The following FRMD4A variants were observed in gnomAD, a reference collection of about 807,000 sequenced individuals.
FRMD4A encodes FERM domain-containing protein 4A.
A neutral mutation model predicts 129.1 loss-of-function variants in FRMD4A; 29 were observed. The ratio of observed to expected loss-of-function variants is 0.22; its 90% CI spans 0.17 to 0.31. The LOEUF is 0.31. Ranked by LOEUF, FRMD4A falls within the 10% of genes least tolerant of loss-of-function variation. The pLI, the probability that FRMD4A is intolerant of heterozygous loss-of-function variation, is 1.00. For missense variants in FRMD4A, 1,272 were observed against 1,375.8 expected (o/e 0.92, Z 1.19); for synonymous variants, 634 against 571.6 (o/e 1.11, Z -1.56).
At chr10:13,933,262 T>C (rs973535865) in intron 2 of FRMD4A, among the ~76,000 whole-genome samples, 1 of 149,818 alleles carries the variant, frequency 6.7e-6, no homozygotes, top group Non-Finnish European at 1.5e-5. Context: ...TTTCATAGGG[T>C]GTACACCGAG....
chr10:14,135,690 T>C (rs1460202767), intron 2 of FRMD4A, among the ~76,000 whole-genome samples: 1 of 152,212 alleles, frequency 6.6e-6, no homozygotes, highest in Admixed American at 6.5e-5. Context: ...TGAAGATATA[T>C]CACAGATGCA....
chr10:13,819,887 A>G (rs1213699484), intron 3 of FRMD4A, among the ~76,000 whole-genome samples: 2 of 152,040 alleles, frequency 1.3e-5, no homozygotes, highest in African/African-American at 4.8e-5. Context: ...ACACCCAGCT[A>G]ATTTTTTTGT....
At chr10:14,316,703 T>C (rs1470756606) in intron 2 of FRMD4A, among the ~76,000 whole-genome samples, 2 of 152,150 alleles carry the variant, frequency 1.3e-5, no homozygotes, top group African/African-American at 4.8e-5. Context: ...TATTGAACAG[T>C]TGCTGCAGGC....
chr10:14,152,403 C>G (rs1050874547), intron 2 of FRMD4A, among the ~76,000 whole-genome samples: 1 of 152,118 alleles, frequency 6.6e-6, no homozygotes, highest in Non-Finnish European at 1.5e-5. Flanking sequence ...GCTGGGATTA[C>G]AGGCGTGAGC....
intron 2 of FRMD4A, among the ~76,000 whole-genome samples, chr10:14,012,702 T>A (rs995647192): frequency 2.6e-5 from 4 of 152,158 alleles, no homozygotes; most frequent in African/African-American, 9.7e-5. Context: ...GATGGAATCC[T>A]GGGTGCTGGC....
At chr10:13,666,376 G>T in intron 17 of FRMD4A, 51 bp from the exon 18 acceptor site, 2 of 1,298,412 alleles carry the variant, frequency 1.5e-6, no homozygotes, top group South Asian at 1.2e-5. Context: ...TGAGCAGGGA[G>T]ACCCTCATCC....
At chr10:13,717,126 T>C (rs2088886353) in intron 12 of FRMD4A, among the ~76,000 whole-genome samples, 1 of 152,038 alleles carries the variant, frequency 6.6e-6, no homozygotes, top group African/African-American at 2.4e-5. Flanking sequence ...CTCTCTGTGC[T>C]CCAGTCTTTC....
intron 2 of FRMD4A, among the ~76,000 whole-genome samples, chr10:14,251,601 G>C (rs59833361): frequency 5.9e-5 from 9 of 152,176 alleles, no homozygotes; most frequent in Non-Finnish European, 8.8e-5. Flanking sequence ...CAATATGTGA[G>C]GCATAAACAG....
Position 14,299,798 on chromosome 10 carries a change from T to C in FRMD4A, c.45+30260A>G, listed in dbSNP as rs186357949. ...ATGAATAATTAAGAGCCTAGAAGGA[T>C]TGATCTGTCAGGGAAGATTAGAAGA... On this transcript the variant is annotated intron_variant, in intron 2 of 24. Transcript: ENST00000357447. Among the ~76,000 whole-genome samples the C allele has an allele frequency of 4.5e-4, 69 of 152,246 alleles. No homozygotes were observed. The East Asian group carries it at 5.6e-3, about 12-fold the overall frequency.
chr10:13,945,637 G>C (rs536190930), intron 2 of FRMD4A, among the ~76,000 whole-genome samples: 1 of 152,202 alleles, frequency 6.6e-6, no homozygotes, highest in Non-Finnish European at 1.5e-5. Context: ...GTTCAAATTC[G>C]AACTGGTTTC....
chr10:13,785,773 C>T (rs1564799816), intron 5 of FRMD4A, among the ~76,000 whole-genome samples: 1 of 148,402 alleles, frequency 6.7e-6, no homozygotes, highest in Non-Finnish European at 1.5e-5. Context: ...CCTCCCCCTA[C>T]CCCCCACCCC....
intron 11 of FRMD4A, among the ~76,000 whole-genome samples, chr10:13,739,841 T>A (rs1233148256): frequency 1.3e-5 from 2 of 152,246 alleles, no homozygotes; most frequent in Non-Finnish European, 2.9e-5. Flanking sequence ...GGCTCACGCC[T>A]ATAATCCCAG....
intron 2 of FRMD4A, among the ~76,000 whole-genome samples, chr10:14,304,345 A>C (rs969499748): frequency 2.6e-5 from 4 of 152,242 alleles, no homozygotes; most frequent in African/African-American, 9.6e-5. Context: ...ATGGGTGTGA[A>C]GTGACATCTC....
At position 14,206,619 on chromosome 10, in the gene FRMD4A, G is replaced by A. The variant is rs184158199; in HGVS notation, c.45+123439C>T. Among the ~76,000 whole-genome samples the A allele has an allele frequency of 1.5e-3, 233 of 151,744 alleles. 1 individual carries two copies. The highest frequency in any genetic ancestry group is 5.3e-3 in the African/African-American group (218 of 41,402). The stretch of plus-strand genomic sequence containing the variant: ...TCATGACCAGCCTGGGCAACACGGC[G>A]AAACCCCATTTTTACTAAAAAATAA... On this transcript the variant is annotated intron_variant, in intron 2 of 24. Coordinates refer to ENST00000357447, the MANE Select transcript of FRMD4A (RefSeq NM_018027.5).
chr10:14,279,018 T>A (rs1845430662), intron 2 of FRMD4A, among the ~76,000 whole-genome samples: 1 of 152,110 alleles, frequency 6.6e-6, no homozygotes. Context: ...TTTTCTCTAA[T>A]GCATCTAACA....
chr10:14,220,289 C>A (rs1241740405), intron 2 of FRMD4A, among the ~76,000 whole-genome samples: 1 of 152,222 alleles, frequency 6.6e-6, no homozygotes, highest in African/African-American at 2.4e-5. Context: ...TTTATATGGC[C>A]CCACTTCGGG....
chr10:13,970,221 G>A (rs1565136887), intron 2 of FRMD4A, among the ~76,000 whole-genome samples: 1 of 152,176 alleles, frequency 6.6e-6, no homozygotes, highest in East Asian at 1.9e-4. Flanking sequence ...TTAGAGTGAA[G>A]CTTTTAGGTA....
At chr10:14,012,002 G>C (rs149348997) in intron 2 of FRMD4A, among the ~76,000 whole-genome samples, 21 of 148,848 alleles carry the variant, frequency 1.4e-4, no homozygotes, top group African/African-American at 5.2e-4. Context: ...GACAGCATGA[G>C]ACTCTGTCTC....
At chr10:14,264,123 T>C (rs1381997197) in intron 2 of FRMD4A, among the ~76,000 whole-genome samples, 1 of 152,166 alleles carries the variant, frequency 6.6e-6, no homozygotes, top group Non-Finnish European at 1.5e-5. Context: ...CAAGATTACC[T>C]CATTAATCCA....
Sources: allele counts gnomAD v4.1 joint callset (sites outside exome capture counted in the v4.1 genomes callset), GRCh38; gene constraint gnomAD v4.1.1; transcripts MANE v1.5; gene names NCBI Gene and HGNC (gene_info 2026-07-23, HGNC 2026-07-21).